The following SYBU variants were observed in gnomAD, a reference collection of about 807,000 sequenced individuals.
The protein encoded by SYBU is syntabulin.
Under a neutral mutation model 35.9 loss-of-function variants are expected in SYBU, and 21 were observed. The observed-to-expected ratio is 0.58, with a 90% CI of 0.41 to 0.84. The LOEUF (loss-of-function observed/expected upper bound fraction) is 0.84. SYBU is among the 40% of genes least tolerant of loss of function. The pLI, the probability that SYBU is intolerant of heterozygous loss-of-function variation, is 0.00. For synonymous variants in SYBU, 319 were observed against 324.3 expected (o/e 0.98, Z 0.18); for missense variants, 768 against 848.2 (o/e 0.91, Z 1.17).
chr8:109,659,732 C>A (rs982413710), intron 1 of SYBU, among the ~76,000 whole-genome samples: 1 of 152,104 alleles, frequency 6.6e-6, no homozygotes, highest in Non-Finnish European at 1.5e-5. Flanking sequence ...CCTTTCCCCC[C>A]AAATCTTATA....
intron 1 of SYBU, among the ~76,000 whole-genome samples, chr8:109,689,830 A>G (rs1304975181): frequency 1.9e-5 from 2 of 106,738 alleles, no homozygotes; most frequent in Non-Finnish European, 3.9e-5. Flanking sequence ...TTACTACAAT[A>G]TGAAAAAAAA....
intron 1 of SYBU, among the ~76,000 whole-genome samples, chr8:109,687,120 A>G (rs1319679745): frequency 2.6e-5 from 4 of 152,148 alleles, no homozygotes; most frequent in African/African-American, 9.7e-5. Flanking sequence ...CTAATTTTGA[A>G]CTATGGCTTA....
At chr8:109,670,947 C>A (rs141314348) in intron 1 of SYBU, among the ~76,000 whole-genome samples, 12 of 152,088 alleles carry the variant, frequency 7.9e-5, no homozygotes, top group East Asian at 1.9e-4. Context: ...TCAAAGGGAA[C>A]CTTAATATAG....
At chr8:109,663,916 G>A (rs767154093) in intron 1 of SYBU, among the ~76,000 whole-genome samples, 1 of 152,042 alleles carries the variant, frequency 6.6e-6, no homozygotes, top group Non-Finnish European at 1.5e-5. Flanking sequence ...AGAACCATAG[G>A]TTCAGCTTAC....
chr8:109,678,713 A>T (rs751674541), intron 1 of SYBU, among the ~76,000 whole-genome samples: 15 of 152,158 alleles, frequency 9.9e-5, no homozygotes, highest in Admixed American at 6.5e-4. Flanking sequence ...TGCTGGGATT[A>T]TAGGAGTGAG....
chr8:109,603,087 C>T (rs1201793033), intron 3 of SYBU, among the ~76,000 whole-genome samples: 1 of 152,216 alleles, frequency 6.6e-6, no homozygotes, highest in Non-Finnish European at 1.5e-5. Flanking sequence ...GCCCAGTGTC[C>T]GCCCCAGGAG....
intron 3 of SYBU, among the ~76,000 whole-genome samples, chr8:109,600,315 A>T (rs1825373724): frequency 6.6e-6 from 1 of 152,150 alleles, no homozygotes; most frequent in South Asian, 2.1e-4. Flanking sequence ...GACTGATGTT[A>T]TTTCCAATTA....
intron 3 of SYBU, among the ~76,000 whole-genome samples, chr8:109,595,945 A>G (rs904022071): frequency 6.6e-6 from 1 of 152,226 alleles, no homozygotes; most frequent in African/African-American, 2.4e-5. Flanking sequence ...ATGCAAACAT[A>G]TTACCTTACT....
intron 3 of SYBU, among the ~76,000 whole-genome samples, chr8:109,590,526 C>T (rs182592528): frequency 4.6e-5 from 7 of 151,304 alleles, no homozygotes; most frequent in Admixed American, 6.6e-5. Context: ...GTTTAATTGA[C>T]GGAGCTGCCA....
intron 3 of SYBU, among the ~76,000 whole-genome samples, chr8:109,595,522 T>C (rs1824771580): frequency 6.6e-6 from 1 of 152,204 alleles, no homozygotes; most frequent in East Asian, 1.9e-4. Flanking sequence ...GCTGAGACCA[T>C]AGTCCTGCCT....
At chr8:109,676,213 T>C (rs1172718596) in intron 1 of SYBU, among the ~76,000 whole-genome samples, 1 of 152,170 alleles carries the variant, frequency 6.6e-6, no homozygotes, top group African/African-American at 2.4e-5. Flanking sequence ...AGCATTTCGT[T>C]TGAAAACTAG....
At chr8:109,644,839 C>A (rs1045954222), upstream of SYBU, 6 of 591,718 alleles carry the variant, frequency 1.0e-5, no homozygotes, top group East Asian at 2.1e-4. Context: ...CGAGGGCACG[C>A]CCGACCCCGC....
At chr8:109,587,600 TA>T (rs1823771272) in intron 3 of SYBU, among the ~76,000 whole-genome samples, 1 of 152,208 alleles carries the variant, frequency 6.6e-6, no homozygotes, top group Non-Finnish European at 1.5e-5. Context: ...GACTCTGGCC[TA>T]CTAGGGAACA....
At chr8:109,608,161 T>G in intron 3 of SYBU, 2 of 495,272 alleles carry the variant, frequency 4.0e-6, no homozygotes, top group Non-Finnish European at 7.1e-6. Flanking sequence ...GCACAGGGCC[T>G]TCTCCCTGGT....
intron 3 of SYBU, among the ~76,000 whole-genome samples, chr8:109,611,323 C>T (rs570180909): frequency 1.1e-4 from 17 of 152,272 alleles, no homozygotes; most frequent in African/African-American, 3.1e-4. Context: ...TTATAATTCA[C>T]TAATTCTTAG....
intron 3 of SYBU, among the ~76,000 whole-genome samples, chr8:109,600,166 C>T (rs1331988550): frequency 6.6e-6 from 1 of 152,142 alleles, no homozygotes; most frequent in African/African-American, 2.4e-5. Context: ...TTTTGTATCC[C>T]CATGTGTCAC....
At chr8:109,634,906 ATTG>A (rs1563747999) in intron 2 of SYBU, among the ~76,000 whole-genome samples, 1 of 151,954 alleles carries the variant, frequency 6.6e-6, no homozygotes, top group Non-Finnish European at 1.5e-5. Context: ...CTTCTGCACT[ATTG>A]TTATTATCTT....
intron 3 of SYBU, 124 bp from the exon 4 acceptor site, chr8:109,586,286 C>T: frequency 1.5e-6 from 1 of 655,112 alleles, no homozygotes. Context: ...GCCAAGATTC[C>T]AGGGCTTCCA....
At chr8:109,647,290 C>G (rs1301755652), upstream of SYBU, 1 of 152,210 alleles carries the variant, frequency 6.6e-6, no homozygotes, top group African/African-American at 2.4e-5. Context: ...CAAACTGTAG[C>G]ACTTTCAGTT....
Sources: gnomAD v4.1 joint callset for allele counts (sites outside exome capture counted in the v4.1 genomes callset) on GRCh38, gnomAD v4.1.1 for gene constraint, MANE v1.5 for transcripts, NCBI Gene and HGNC (gene_info 2026-07-23, HGNC 2026-07-21) for gene names.